PHF21A: variants seen among roughly 807,000 people sequenced by gnomAD.
PHF21A encodes BHC80a.
A neutral mutation model predicts 82.5 loss-of-function variants in PHF21A; 11 were observed. The observed-to-expected ratio is 0.13, with a 90% CI of 0.08 to 0.22. The LOEUF is 0.22. Ranked by LOEUF, PHF21A falls within the 10% of genes least tolerant of loss-of-function variation. The pLI is 1.00. For synonymous variants in PHF21A, 297 were observed against 302.8 expected, an observed-to-expected ratio of 0.98 and a Z score of 0.20; for missense variants, 579 against 837.8, an observed-to-expected ratio of 0.69 and a Z score of 3.81.
chr11:46,039,613 A>C (rs904224819), intron 6 of PHF21A, among the ~76,000 whole-genome samples: 22 of 152,308 alleles, frequency 1.4e-4, no homozygotes, highest in African/African-American at 5.3e-4. Flanking sequence ...TGAATCAATA[A>C]TATCTTAAAA....
At chr11:45,944,925 G>A (rs535252284) in intron 15 of PHF21A, among the ~76,000 whole-genome samples, 16 of 152,240 alleles carry the variant, frequency 1.1e-4, no homozygotes, top group South Asian at 4.2e-4. Context: ...CGCCATGCCC[G>A]GCTAATTTTT....
intron 6 of PHF21A, among the ~76,000 whole-genome samples, chr11:46,023,044 C>A (rs1592122541): frequency 6.6e-6 from 1 of 152,188 alleles, no homozygotes; most frequent in African/African-American, 2.4e-5. Context: ...AGCCACCGCG[C>A]CCGGCCTTGT....
At position 45,938,153 on chromosome 11, in the gene PHF21A, G is replaced by A. The variant is rs774542092; in HGVS notation, c.1608+4C>T. The stretch of plus-strand genomic sequence containing the variant: ...CCCTCCCCTGTTGGACCCACCCACA[G>A]TACCTGGTCCTGACATCTGGGACAG... On this transcript the variant is annotated splice_donor_region_variant and intron_variant, in intron 16 of 18. Transcript: ENST00000676320. 1.3e-6 allele frequency: 2 copies of A among 1,583,186 alleles called. No individual in the cohort carries two copies. The highest frequency in any genetic ancestry group is 1.7e-6 in the Non-Finnish European group (2 of 1,162,262).
At chr11:46,111,313 T>G (rs2097211650) in intron 1 of PHF21A, among the ~76,000 whole-genome samples, 1 of 151,514 alleles carries the variant, frequency 6.6e-6, no homozygotes, top group South Asian at 2.1e-4. Context: ...CTACTAAAAA[T>G]ATAACAATTA....
intron 6 of PHF21A, among the ~76,000 whole-genome samples, chr11:46,003,466 CTA>C (rs1364309461): frequency 6.6e-6 from 1 of 151,946 alleles, no homozygotes; most frequent in African/African-American, 2.4e-5. Context: ...ATTCATAGTA[CTA>C]ATGACACTAA....
At chr11:45,993,889 T>C (rs2094808685) in intron 6 of PHF21A, among the ~76,000 whole-genome samples, 1 of 152,010 alleles carries the variant, frequency 6.6e-6, no homozygotes, top group African/African-American at 2.4e-5. Context: ...AGTGCCTATC[T>C]GAGATGAATT....
chr11:46,064,681 C>T (rs1414565565), intron 6 of PHF21A, among the ~76,000 whole-genome samples: 1 of 152,116 alleles, frequency 6.6e-6, no homozygotes, highest in Non-Finnish European at 1.5e-5. Context: ...TTTGGCCTGT[C>T]ATTTAACATA....
chr11:46,047,365 T>C (rs1370362332), intron 6 of PHF21A, among the ~76,000 whole-genome samples: 1 of 152,210 alleles, frequency 6.6e-6, no homozygotes, highest in East Asian at 1.9e-4. Context: ...TGGTTTATCA[T>C]GAAGCATTTT....
chr11:45,990,881 C>T (rs577450724), intron 6 of PHF21A, among the ~76,000 whole-genome samples: 33 of 152,298 alleles, frequency 2.2e-4, no homozygotes, highest in Non-Finnish European at 4.0e-4. Flanking sequence ...TACACTGACA[C>T]CTCAATACTG....
chr11:45,947,189 T>C (rs1271845575), intron 14 of PHF21A, among the ~76,000 whole-genome samples: 3 of 152,190 alleles, frequency 2.0e-5, no homozygotes, highest in Non-Finnish European at 4.4e-5. Flanking sequence ...GCCCTGTGGG[T>C]ACAGAAAGTC....
intron 6 of PHF21A, among the ~76,000 whole-genome samples, chr11:46,025,853 G>A (rs1029838349): frequency 6.6e-5 from 10 of 152,190 alleles, no homozygotes; most frequent in Non-Finnish European, 1.3e-4. Context: ...TATAGGTGAT[G>A]GGCTGTGACT....
Position 46,084,169 on chromosome 11 carries a change from G to A in PHF21A, c.51C>T (p.His17=). ...QEALKVEIQV[H]QKLVAQMKQD... ...AGAAGCCAATAATACAACTTACCTG[G>A]TGAACCTGAATTTCCACTTTAAGAG... Residue 17 remains histidine (H), a synonymous_variant, in exon 4 of 19, where the codon CAC becomes CAT. Transcript: ENST00000676320. 1 of 1,597,870 alleles carries A rather than the reference G, an allele frequency of 6.3e-7. No individual in the cohort carries two copies.
At chr11:46,102,456 G>A (rs1173657111) in intron 1 of PHF21A, among the ~76,000 whole-genome samples, 1 of 152,166 alleles carries the variant, frequency 6.6e-6, no homozygotes, top group Non-Finnish European at 1.5e-5. Flanking sequence ...GTGGTATTCT[G>A]TATTTACAAA....
intron 6 of PHF21A, among the ~76,000 whole-genome samples, chr11:46,001,172 T>C (rs2095113784): frequency 6.6e-6 from 1 of 151,884 alleles, no homozygotes; most frequent in South Asian, 2.1e-4. Context: ...AGCAGAAACA[T>C]CACAGAAGTC....
chr11:45,945,494 C>T, intron 15 of PHF21A, among the ~76,000 whole-genome samples: 1 of 152,108 alleles, frequency 6.6e-6, no homozygotes. Flanking sequence ...GTTCATTTTC[C>T]CCACTCCCAA....
At chr11:46,086,533 T>C (rs1269440891) in intron 3 of PHF21A, among the ~76,000 whole-genome samples, 1 of 152,228 alleles carries the variant, frequency 6.6e-6, no homozygotes, top group African/African-American at 2.4e-5. Context: ...CTACCTGCAA[T>C]ACTAAAGTTA....
chr11:45,984,867 C>A (rs1191566771), intron 6 of PHF21A, among the ~76,000 whole-genome samples: 2 of 152,190 alleles, frequency 1.3e-5, no homozygotes, highest in Non-Finnish European at 2.9e-5. Flanking sequence ...TATTAGAGGG[C>A]CACACCCACT....
At chr11:46,089,111 GAAAC>G (rs1234320482) in intron 3 of PHF21A, among the ~76,000 whole-genome samples, 2 of 152,072 alleles carry the variant, frequency 1.3e-5, no homozygotes, top group African/African-American at 4.8e-5. Flanking sequence ...TATTTGGTGT[GAAAC>G]TCCTCTGCTT....
chr11:45,949,261 C>A (rs1591099464), intron 13 of PHF21A, 141 bp downstream of exon 13: 2 of 730,686 alleles, frequency 2.7e-6, no homozygotes, highest in East Asian at 5.0e-5. Flanking sequence ...AATGATAAGT[C>A]AAAAAAAATC....
Sources: allele counts gnomAD v4.1 joint callset (sites outside exome capture counted in the v4.1 genomes callset), GRCh38; gene constraint gnomAD v4.1.1; transcripts MANE v1.5; gene names NCBI Gene and HGNC (gene_info 2026-07-23, HGNC 2026-07-21).